The following CNOT4 variants were observed in gnomAD, a reference collection of about 807,000 sequenced individuals.
CNOT4 encodes the protein CCR4-NOT transcription complex subunit 4, also known as CCR4-associated factor 4.
Under a neutral mutation model 73.8 loss-of-function variants are expected in CNOT4, and 8 were observed. The ratio of observed to expected loss-of-function variants is 0.11; its 90% CI spans 0.06 to 0.20. The LOEUF (loss-of-function observed/expected upper bound fraction) is 0.20, where lower values mean the gene tolerates loss of function less well. CNOT4 is among the 10% of genes least tolerant of loss of function. The probability of loss-of-function intolerance (pLI) is 1.00; values close to 1 mark genes in which losing one functional copy is unlikely to be tolerated. For synonymous variants in CNOT4, 293 were observed against 321.1 expected (o/e 0.91, Z 0.94); for missense variants, 564 against 883.4 (o/e 0.64, Z 4.58).
chr7:135,486,932 A>G (rs992096334), intron 1 of CNOT4, among the ~76,000 whole-genome samples: 3 of 152,214 alleles, frequency 2.0e-5, no homozygotes, highest in South Asian at 2.1e-4. Flanking sequence ...TAAAAAAGGT[A>G]AAGAGTACTA....
chr7:135,491,184 A>T (rs1022403992), intron 1 of CNOT4, among the ~76,000 whole-genome samples: 2 of 152,214 alleles, frequency 1.3e-5, no homozygotes, highest in African/African-American at 4.8e-5. Flanking sequence ...CATTCAACAT[A>T]GGCAACTGGA....
chr7:135,440,116 T>C (rs1339434691), intron 1 of CNOT4, among the ~76,000 whole-genome samples: 2 of 148,632 alleles, frequency 1.3e-5, no homozygotes, highest in Non-Finnish European at 3.0e-5. Context: ...ATAAATAAAA[T>C]TAAAAGTAAG....
chr7:135,470,359 T>G (rs530434336), intron 1 of CNOT4, among the ~76,000 whole-genome samples: 117 of 150,978 alleles, frequency 7.7e-4, no homozygotes, highest in African/African-American at 2.8e-3. Context: ...CTCAAACTCC[T>G]GGGCCCAAGC....
chr7:135,471,038 A>G (rs568379966), intron 1 of CNOT4, among the ~76,000 whole-genome samples: 11 of 152,252 alleles, frequency 7.2e-5, no homozygotes, highest in Non-Finnish European at 1.5e-4. Context: ...CCATGTCTGC[A>G]GAACCCTTAC....
intron 10 of CNOT4, among the ~76,000 whole-genome samples, chr7:135,385,285 G>C (rs1796063682): frequency 6.6e-6 from 1 of 152,174 alleles, no homozygotes; most frequent in Non-Finnish European, 1.5e-5. Context: ...AAGCTTACCA[G>C]TCCCTGAATA....
At chr7:135,449,140 T>G (rs916680296) in intron 1 of CNOT4, among the ~76,000 whole-genome samples, 1 of 152,114 alleles carries the variant, frequency 6.6e-6, no homozygotes, top group Non-Finnish European at 1.5e-5. Context: ...AAGTATACGA[T>G]GCTGGTCATA....
intron 1 of CNOT4, among the ~76,000 whole-genome samples, chr7:135,493,506 T>C (rs114417301): frequency 7.4e-4 from 112 of 152,250 alleles, no homozygotes; most frequent in African/African-American, 2.6e-3. Context: ...ACAGGAAATT[T>C]TGCTGATGAT....
In CNOT4 at chr7:135,393,945, T is replaced by G; in HGVS notation, c.1600A>C (p.Thr534Pro). 6.2e-7 allele frequency: 1 copy of G among 1,613,076 alleles called. No individual in the cohort carries two copies. The change falls in exon 10 of 12, where the codon ACA becomes CCA. Residue 534 changes from threonine to proline, a missense_variant. Physicochemically the swap from Thr to Pro is conservative, Grantham distance 38 (BLOSUM62 -1). Transcript: ENST00000541284. ...GCTACAGGGATCCCTCCCAGACCTGTGTTGTGCTGTGGCGGGAGATTCAAG... is the reference window on the plus strand; with the variant it reads ...GCTACAGGGATCCCTCCCAGACCTGGGTTGTGCTGTGGCGGGAGATTCAAG... ...LDLNLPPQHNTGLGGIPVADN... is the reference protein window; with the variant it reads ...LDLNLPPQHNPGLGGIPVADN...
At chr7:135,505,282 C>T (rs939885725) in intron 1 of CNOT4, among the ~76,000 whole-genome samples, 2 of 152,146 alleles carry the variant, frequency 1.3e-5, no homozygotes, top group African/African-American at 2.4e-5. Flanking sequence ...AGGCCGGGCA[C>T]AGTGGCTCAC....
In CNOT4 at chr7:135,363,919, G is replaced by A; in HGVS notation, c.1775C>T (p.Thr592Ile). 5 of 1,598,596 alleles carry A rather than the reference G, an allele frequency of 3.1e-6. No individual in the cohort carries two copies. Among genetic ancestry groups the A allele is most frequent in the Non-Finnish European group, 4.2e-6 (5 of 1,179,778 alleles). ...NANHSAPTSN[T>I]ATTDSLSWDS... ...CCAACTCAGGCTGTCGGTGGTGGCA[G>A]TGTTGGACGTTGGTGCACTGTGGTT... Residue 592 changes from threonine to isoleucine, a missense_variant, in exon 11 of 12, where the codon ACT becomes ATT. Transcript: ENST00000541284. The surrounding 1 kb of genome is among the most constrained non-coding windows in gnomAD (Gnocchi z 4.3).
intron 10 of CNOT4, among the ~76,000 whole-genome samples, chr7:135,369,354 C>T (rs1795073535): frequency 6.6e-6 from 1 of 152,098 alleles, no homozygotes. Context: ...ATTTTTGGTA[C>T]CCCCTCCTCA....
Position 135,488,139 on chromosome 7 carries a change from C to CA in CNOT4, c.-93+21749dup, listed in dbSNP as rs201584127. On this transcript the variant is annotated intron_variant, in intron 1 of 11. Transcript: ENST00000541284. ...AAATCTTGTTTTCAAGGATTTTTTT[C>CA]AAAAAAAAAATTAATATAAATAAAA... is the stretch of plus-strand genomic sequence containing the variant. Among the ~76,000 whole-genome samples, 853 of 149,008 alleles carry CA rather than the reference C, an allele frequency of 5.7e-3. 12 individuals carry two copies. The highest frequency in any genetic ancestry group is 0.019 in the African/African-American group (768 of 40,706).
At chr7:135,468,572 T>G (rs891514738) in intron 1 of CNOT4, among the ~76,000 whole-genome samples, 1 of 151,386 alleles carries the variant, frequency 6.6e-6, no homozygotes, top group Non-Finnish European at 1.5e-5. Flanking sequence ...TCCCAGCTAC[T>G]CAGGAGCCTG....
At chr7:135,372,537 C>A (rs895299291) in intron 10 of CNOT4, among the ~76,000 whole-genome samples, 4 of 151,428 alleles carry the variant, frequency 2.6e-5, no homozygotes, top group Non-Finnish European at 5.9e-5. Context: ...ACATATAACC[C>A]TGAACGTTTG....
intron 1 of CNOT4, among the ~76,000 whole-genome samples, chr7:135,482,986 CA>C (rs36125617): frequency 0.068 from 2,940 of 43,534 alleles, 36 homozygotes; most frequent in African/African-American, 0.16. Context: ...GACTCCATAT[CA>C]AAAAAAAAAA....
chr7:135,415,085 T>C, intron 4 of CNOT4, 91 bp downstream of exon 4: 1 of 776,514 alleles, frequency 1.3e-6, no homozygotes, highest in African/African-American at 1.8e-5. Flanking sequence ...CCTCAAGCTT[T>C]CTAATCAGAG....
chr7:135,467,993 C>T (rs931920055), intron 1 of CNOT4, among the ~76,000 whole-genome samples: 1 of 151,506 alleles, frequency 6.6e-6, no homozygotes, highest in African/African-American at 2.4e-5. Flanking sequence ...AGACGGGCGG[C>T]TCACGAGGTC....
chr7:135,505,041 T>C (rs186069274), intron 1 of CNOT4, among the ~76,000 whole-genome samples: 1 of 152,340 alleles, frequency 6.6e-6, no homozygotes, highest in Admixed American at 6.5e-5. Context: ...TTTGATTATT[T>C]TGATTTCAAA....
rs1242350103 is a variant in CNOT4, at chr7:135,499,000, C to T, written c.-93+10889G>A. 2.0e-5 allele frequency among the ~76,000 whole-genome samples: 3 copies of T among 152,260 alleles called. No homozygotes were observed. In the East Asian group the frequency reaches 5.8e-4, roughly 29 times the overall value. On this transcript the variant is annotated intron_variant, in intron 1 of 11. Transcript: ENST00000541284. ...ATCTTTTAAAGGGTTTCTAAGGACT[C>T]ATAGAGAATTCAATTATTTTATAAC...
Sources: allele counts gnomAD v4.1 joint callset (sites outside exome capture counted in the v4.1 genomes callset), GRCh38; gene constraint gnomAD v4.1.1; non-coding constraint Gnocchi (gnomAD v3.1); transcripts MANE v1.5; gene names NCBI Gene and HGNC (gene_info 2026-07-23, HGNC 2026-07-21).